The following ELP3 variants were observed in gnomAD, a reference collection of about 807,000 sequenced individuals.
ELP3 encodes elongator complex protein 3.
A neutral mutation model predicts 74.9 loss-of-function variants in ELP3; 56 were observed. The ratio of observed to expected loss-of-function variants is 0.75; its 90% CI spans 0.60 to 0.93. The LOEUF is 0.93. Among genes scored for constraint, ELP3 ranks in the 40% least tolerant of loss-of-function variants. ELP3 has a pLI of 0.00. For synonymous variants in ELP3, 222 were observed against 239.8 expected, an observed-to-expected ratio of 0.93 and a Z score of 0.68; for missense variants, 573 against 686.5, an observed-to-expected ratio of 0.83 and a Z score of 1.85.
At chr8:28,161,630 G>C (rs905849089) in intron 13 of ELP3, among the ~76,000 whole-genome samples, 1 of 144,646 alleles carries the variant, frequency 6.9e-6, no homozygotes, top group African/African-American at 2.6e-5. Flanking sequence ...AAAAAAAAAA[G>C]TAGAGAGGTG....
rs931176864 is a variant in ELP3, at chr8:28,171,418, T to A, written c.1567+9340T>A. Among the ~76,000 whole-genome samples, 5 of 152,158 alleles carry A rather than the reference T, an allele frequency of 3.3e-5. 1 individual carries two copies. The highest frequency in any genetic ancestry group is 7.4e-5 in the Non-Finnish European group (5 of 68,006). On this transcript the variant is annotated intron_variant, in intron 14 of 14. Coordinates refer to ENST00000256398, the MANE Select transcript of ELP3 (RefSeq NM_018091.6). Reference sequence around the variant, plus strand: ...ATTCTGTGGGAGGTTTGACTAATATTTCTGTAATGATTAATGATGTTGAAT... The same window carrying A: ...ATTCTGTGGGAGGTTTGACTAATATATCTGTAATGATTAATGATGTTGAAT...
intron 14 of ELP3, among the ~76,000 whole-genome samples, chr8:28,166,530 A>G (rs918804100): frequency 6.6e-6 from 1 of 152,312 alleles, no homozygotes; most frequent in East Asian, 1.9e-4. Context: ...AGGTTAACAA[A>G]TTGTGTTTAC....
intron 9 of ELP3, among the ~76,000 whole-genome samples, chr8:28,134,929 CTT>C (rs34364991): frequency 3.5e-5 from 5 of 143,478 alleles, no homozygotes; most frequent in Admixed American, 6.9e-5. Context: ...TTTCTTATGC[CTT>C]TTTTTTTTTT....
intron 14 of ELP3, chr8:28,183,365 T>C: frequency 5.1e-6 from 2 of 391,448 alleles, no homozygotes; most frequent in Non-Finnish European, 1.0e-5. Context: ...GTAGGAAAGC[T>C]CAGGGTGTAG....
chr8:28,110,281 C>A, intron 5 of ELP3, 89 bp from the exon 6 acceptor site: 1 of 1,138,788 alleles, frequency 8.8e-7, no homozygotes, highest in Non-Finnish European at 1.3e-6. Context: ...TGTTCGGAAC[C>A]ATGGAGAGTT....
At chr8:28,156,388 T>C (rs555630143) in intron 11 of ELP3, among the ~76,000 whole-genome samples, 28 of 152,334 alleles carry the variant, frequency 1.8e-4, no homozygotes, top group African/African-American at 5.8e-4. Flanking sequence ...AAAAGACAAG[T>C]ATTATGTGCA....
At chr8:28,093,000 G>T, upstream of ELP3, 1 of 718,604 alleles carries the variant, frequency 1.4e-6, no homozygotes, top group South Asian at 1.6e-5. Context: ...GGGCAGGATC[G>T]CAGCCTAGGG....
chr8:28,095,632 T>C (rs1378644470), intron 1 of ELP3, among the ~76,000 whole-genome samples: 2 of 152,210 alleles, frequency 1.3e-5, no homozygotes, highest in Non-Finnish European at 2.9e-5. Context: ...TTAAATTAGA[T>C]GCAGTGTGTT....
Position 28,152,075 on chromosome 8 carries a change from C to T in ELP3, c.1101-3867C>T, listed in dbSNP as rs574764534. Among the ~76,000 whole-genome samples the T allele has an allele frequency of 2.0e-5, 3 of 152,304 alleles. No homozygotes were observed. The South Asian group carries it at 6.2e-4, about 32-fold the overall frequency. ...CTGCTCTGTTAAGCCACGACTTCCACTAGGAGTCTCTGGTCTCTGTTCTGG... is the reference window on the plus strand; with the variant it reads ...CTGCTCTGTTAAGCCACGACTTCCATTAGGAGTCTCTGGTCTCTGTTCTGG... On this transcript the variant is annotated intron_variant, in intron 10 of 14. Coordinates refer to ENST00000256398, the MANE Select transcript of ELP3 (RefSeq NM_018091.6).
intron 7 of ELP3, among the ~76,000 whole-genome samples, chr8:28,127,469 C>A (rs1011917118): frequency 6.6e-6 from 1 of 151,956 alleles, no homozygotes; most frequent in Non-Finnish European, 1.5e-5. Flanking sequence ...GAGCTTTTTG[C>A]TTTCTGGGGT....
chr8:28,161,526 A>C (rs1814087092), intron 13 of ELP3, among the ~76,000 whole-genome samples: 1 of 150,348 alleles, frequency 6.7e-6, no homozygotes, highest in Non-Finnish European at 1.5e-5. Context: ...GTGAGCCGAG[A>C]TTGAGCCAGA....
chr8:28,099,286 G>A (rs577927675), intron 2 of ELP3, among the ~76,000 whole-genome samples: 3 of 151,206 alleles, frequency 2.0e-5, no homozygotes, highest in East Asian at 1.9e-4. Flanking sequence ...TTTTTTAATT[G>A]TTGTTGTTGT....
intron 14 of ELP3, among the ~76,000 whole-genome samples, chr8:28,179,017 A>C (rs1364106623): frequency 6.6e-6 from 1 of 152,242 alleles, no homozygotes; most frequent in Non-Finnish European, 1.5e-5. Flanking sequence ...CTTAAACAAC[A>C]CAGGTCCACT....
chr8:28,140,346 T>A (rs7341664), intron 10 of ELP3, among the ~76,000 whole-genome samples: 89,723 of 151,976 alleles, frequency 0.59, 27,645 homozygotes, highest in East Asian at 0.89. Flanking sequence ...TCAAAATAAA[T>A]ATTGATATTA....
At chr8:28,123,549 G>A (rs951229479) in intron 7 of ELP3, among the ~76,000 whole-genome samples, 12 of 152,190 alleles carry the variant, frequency 7.9e-5, no homozygotes, top group African/African-American at 2.9e-4. Flanking sequence ...GTTGGTAGTA[G>A]TGTTCAGGTA....
intron 14 of ELP3, among the ~76,000 whole-genome samples, chr8:28,181,904 G>C: frequency 6.6e-6 from 1 of 152,168 alleles, no homozygotes; most frequent in Non-Finnish European, 1.5e-5. Flanking sequence ...CCAGTGCCTG[G>C]CAGGTATTTA....
intron 14 of ELP3, among the ~76,000 whole-genome samples, chr8:28,182,928 C>T (rs1177357529): frequency 6.6e-6 from 1 of 152,186 alleles, no homozygotes; most frequent in African/African-American, 2.4e-5. Flanking sequence ...TGGAGATTCA[C>T]AGGGAGGCCA....
intron 13 of ELP3, among the ~76,000 whole-genome samples, chr8:28,161,610 G>GAAAAA (rs1163846087): frequency 5.0e-5 from 3 of 60,586 alleles, no homozygotes. Flanking sequence ...CGTCTCAAGA[G>GAAAAA]AAAAAAAAAA....
In ELP3 at chr8:28,106,721, C is replaced by T. The variant is rs779336905; in HGVS notation, c.267C>T (p.Val89=). 1.5e-5 allele frequency: 24 copies of T among 1,612,166 alleles called. No individual in the cohort carries two copies. Among genetic ancestry groups the T allele is most frequent in the Middle Eastern group, 1.8e-4 (1 of 5,460 alleles). The change falls in exon 4 of 15, where the codon GTC becomes GTT. Residue 89 remains valine, a synonymous_variant. Transcript: ENST00000256398. ...TCATCTTTCTTTTATAGATTGCTGT[C>T]GTGGCTGTGATGTGCAAACCCCACA... ...KPIRTASGIA[V]VAVMCKPHRC...
Sources: allele counts gnomAD v4.1 joint callset (sites outside exome capture counted in the v4.1 genomes callset), GRCh38; gene constraint gnomAD v4.1.1; transcripts MANE v1.5; gene names NCBI Gene and HGNC (gene_info 2026-07-23, HGNC 2026-07-21).